EFCAB5: variants seen among roughly 807,000 people sequenced by gnomAD.
EFCAB5 encodes the protein EF-hand calcium binding domain 5, also known as EF-hand calcium-binding domain-containing protein 5.
In EFCAB5, 131 loss-of-function variants were observed where a neutral mutation model predicts 167.9. The observed-to-expected ratio is 0.78, with a 90% confidence interval of 0.68 to 0.90. The LOEUF is 0.90. Among genes scored for constraint, EFCAB5 ranks in the 40% least tolerant of loss-of-function variants. The probability of loss-of-function intolerance (pLI) is 0.00; values close to 1 mark genes in which losing one functional copy is unlikely to be tolerated. For missense variants in EFCAB5, 1,663 were observed against 1,745.2 expected (o/e 0.95, Z 0.84); for synonymous variants, 574 against 602.8 (o/e 0.95, Z 0.70).
intron 8 of EFCAB5, among the ~76,000 whole-genome samples, chr17:30,050,789 C>G (rs755176475): frequency 6.6e-6 from 1 of 152,022 alleles, no homozygotes; most frequent in Non-Finnish European, 1.5e-5. Context: ...AAGTAGGGAG[C>G]GGTAAATTGT....
intron 9 of EFCAB5, among the ~76,000 whole-genome samples, chr17:30,052,932 G>T (rs1163764882): frequency 1.3e-5 from 2 of 152,174 alleles, no homozygotes; most frequent in African/African-American, 4.8e-5. Context: ...GATGCTTATT[G>T]TAGGAGACCA....
At chr17:30,096,673 A>ATT (rs1199862139) in intron 22 of EFCAB5, among the ~76,000 whole-genome samples, 231 of 63,488 alleles carry the variant, frequency 3.6e-3, no homozygotes, top group African/African-American at 9.0e-3. Flanking sequence ...ATATATATAT[A>ATT]TATATTTTTT....
rs754573904 is a variant in EFCAB5 at position 30,053,259 on chromosome 17, A to G, written c.1305A>G (p.Pro435=). ...RSLLRNPRQW[P]FIEFEEINLT... is the part of the protein sequence containing the mutation. ...ATATTTTGTTTTCTGCATTAGGGCC[A>G]TTCATTGAATTTGAAGAGATAAACT... The change falls in exon 10 of 23, where the codon CCA becomes CCG. Residue 435 remains proline (P), a synonymous_variant. Transcript: ENST00000394835. 4.4e-6 allele frequency: 7 copies of G among 1,597,822 alleles called. No homozygotes were observed. The highest frequency in any genetic ancestry group is 5.1e-6 in the Non-Finnish European group (6 of 1,171,466).
At chr17:30,061,352 T>A (rs2151799377) in intron 14 of EFCAB5, among the ~76,000 whole-genome samples, 4 of 152,346 alleles carry the variant, frequency 2.6e-5, no homozygotes, top group East Asian at 3.9e-4. Flanking sequence ...ATTCTAAATT[T>A]CAAGCATTGC....
intron 14 of EFCAB5, among the ~76,000 whole-genome samples, chr17:30,062,998 C>T (rs1391485792): frequency 6.6e-6 from 1 of 152,134 alleles, no homozygotes; most frequent in Non-Finnish European, 1.5e-5. Flanking sequence ...GAATTGGTAC[C>T]CTGGCCAAAC....
rs2070849738 is a variant in EFCAB5, at chr17:30,075,449, T to C, written c.2738-2766T>C. The stretch of plus-strand genomic sequence containing the variant: ...TCACTCAGGCTCTGACTCCTTATGC[T>C]GAGCTGACCCCCAGCCTATGTGGAT... On this transcript the variant is annotated intron_variant, in intron 14 of 22. Coordinates refer to ENST00000394835, the MANE Select transcript of EFCAB5 (RefSeq NM_198529.4). Among the ~76,000 whole-genome samples, 3 of 152,084 alleles carry C rather than the reference T, an allele frequency of 2.0e-5. No individual in the cohort carries two copies. In the South Asian group the frequency reaches 6.2e-4, roughly 32 times the overall value.
Position 29,999,971 on chromosome 17 carries a change from A to G in EFCAB5, c.1039A>G (p.Thr347Ala). The G allele has an allele frequency of 6.4e-7, 1 of 1,566,906 alleles. No homozygotes were observed. Among genetic ancestry groups the G allele is most frequent in the Non-Finnish European group, 8.7e-7 (1 of 1,153,182 alleles). Residue 347 changes from threonine (T) to alanine (A), a missense_variant, in exon 7 of 23, where the codon ACA becomes GCA. Coordinates refer to ENST00000394835, the MANE Select transcript of EFCAB5 (RefSeq NM_198529.4). ...TEPRLNKMEFTEYISSHIKDL... is the reference protein window; with the variant it reads ...TEPRLNKMEFAEYISSHIKDL... ...ACCAAGATTGAACAAAATGGAATTTACAGAAGTAAGAGTTACATTATTTAA... is the reference window on the plus strand; with the variant it reads ...ACCAAGATTGAACAAAATGGAATTTGCAGAAGTAAGAGTTACATTATTTAA...
intron 3 of EFCAB5, chr17:29,968,239 C>T: frequency 1.2e-5 from 5 of 414,114 alleles, no homozygotes; most frequent in East Asian, 8.2e-5. Flanking sequence ...CACTTGTTAT[C>T]AGAGAATTTG....
At chr17:29,953,243 T>TA (rs2067548734) in intron 3 of EFCAB5, among the ~76,000 whole-genome samples, 2 of 152,014 alleles carry the variant, frequency 1.3e-5, no homozygotes, top group African/African-American at 4.8e-5. Context: ...CCAACAACAG[T>TA]AAAGCCAAGA....
chr17:30,006,461 T>C (rs1193920276), intron 7 of EFCAB5, among the ~76,000 whole-genome samples: 1 of 152,210 alleles, frequency 6.6e-6, no homozygotes, highest in Non-Finnish European at 1.5e-5. Flanking sequence ...TGATAAGTAA[T>C]AGAAGGTGAG....
intron 7 of EFCAB5, among the ~76,000 whole-genome samples, chr17:30,018,573 GTTCT>G (rs2069102859): frequency 6.6e-6 from 1 of 151,836 alleles, no homozygotes; most frequent in African/African-American, 2.4e-5. Flanking sequence ...GATTAGATTT[GTTCT>G]TTCTAATTTT....
intron 7 of EFCAB5, 146 bp from the exon 8 acceptor site, chr17:30,034,084 G>C: frequency 1.0e-6 from 1 of 954,162 alleles, no homozygotes; most frequent in Non-Finnish European, 1.5e-6. Flanking sequence ...CAGCTAGCAT[G>C]AAAATGCTTC....
At chr17:30,079,916 C>T (rs1337613000) in intron 15 of EFCAB5, among the ~76,000 whole-genome samples, 156 bp from the exon 16 acceptor site, 1 of 152,176 alleles carries the variant, frequency 6.6e-6, no homozygotes, top group Non-Finnish European at 1.5e-5. Flanking sequence ...TGCTGTCAAC[C>T]TTTTCCCCAC....
chr17:30,091,603 C>G (rs2071198151), intron 20 of EFCAB5, among the ~76,000 whole-genome samples: 1 of 152,104 alleles, frequency 6.6e-6, no homozygotes, highest in Non-Finnish European at 1.5e-5. Context: ...AGGGTGACAG[C>G]GTGTGTTCAA....
chr17:30,106,082 T>C (rs1422924189), intron 22 of EFCAB5, among the ~76,000 whole-genome samples: 1 of 152,112 alleles, frequency 6.6e-6, no homozygotes, highest in Admixed American at 6.6e-5. Flanking sequence ...TTGTCATTAC[T>C]GTTAATAAGC....
intron 3 of EFCAB5, among the ~76,000 whole-genome samples, chr17:29,953,227 T>C (rs1378130351): frequency 6.6e-6 from 1 of 152,170 alleles, no homozygotes; most frequent in Non-Finnish European, 1.5e-5. Context: ...TTAGCATTCC[T>C]ATACACCAAC....
Position 30,090,530 on chromosome 17 carries a change from G to A in EFCAB5, c.3793G>A (p.Val1265Ile). The A allele has an allele frequency of 6.2e-7, 1 of 1,614,012 alleles. No individual in the cohort carries two copies. The highest frequency in any genetic ancestry group is 8.5e-7 in the Non-Finnish European group (1 of 1,179,894). ...LRERTGEALG[V>I]LDFNIGQNRM... ...TGAGAGAACAGGAGAGGCTCTGGGAGTCCTCGATTTTAACATCGGCCAAAA... is the reference window on the plus strand; with the variant it reads ...TGAGAGAACAGGAGAGGCTCTGGGAATCCTCGATTTTAACATCGGCCAAAA... The change falls in exon 20 of 23, where the codon GTC (valine) becomes ATC (isoleucine). Residue 1265 changes from valine to isoleucine, a missense_variant. Physicochemically the swap from Val to Ile is conservative, Grantham distance 29 (BLOSUM62 3). Coordinates refer to ENST00000394835, the MANE Select transcript of EFCAB5 (RefSeq NM_198529.4).
At chr17:30,082,454 G>C (rs373672906) in intron 17 of EFCAB5, among the ~76,000 whole-genome samples, 1 of 137,314 alleles carries the variant, frequency 7.3e-6, no homozygotes, top group South Asian at 2.2e-4. Context: ...GCAGTGTTGC[G>C]ATCTCAGCTC....
In EFCAB5 at chr17:30,092,206, C is replaced by A. The variant is rs753325658; in HGVS notation, c.4224+49C>A. The stretch of plus-strand genomic sequence containing the variant: ...CTTTTAAATTGAAGAATCGCCTAAA[C>A]AAATTTAACTGTACAAATCATAATT... On this transcript the variant is annotated intron_variant, in intron 21 of 22. Coordinates refer to ENST00000394835, the MANE Select transcript of EFCAB5 (RefSeq NM_198529.4). 19 of 1,535,868 alleles carry A rather than the reference C, an allele frequency of 1.2e-5. No homozygotes were observed. In the South Asian group the frequency reaches 2.1e-4, roughly 17 times the overall value.
Sources: allele counts gnomAD v4.1 joint callset (sites outside exome capture counted in the v4.1 genomes callset), GRCh38; gene constraint gnomAD v4.1.1; transcripts MANE v1.5; gene names NCBI Gene and HGNC (gene_info 2026-07-23, HGNC 2026-07-21).